CDH13: variants seen among roughly 807,000 people sequenced by gnomAD.
CDH13 encodes cadherin-13.
Under a neutral mutation model 63.8 loss-of-function variants are expected in CDH13, and 24 were observed. The ratio of observed to expected loss-of-function variants is 0.38; its 90% CI spans 0.27 to 0.53. CDH13 has a LOEUF of 0.53. Among genes scored for constraint, CDH13 ranks in the 20% least tolerant of loss-of-function variants. The pLI is 0.85. For missense variants in CDH13, 1,049 were observed against 903.1 expected (o/e 1.16, Z -2.07); for synonymous variants, 503 against 355.3 (o/e 1.42, Z -4.67).
intron 5 of CDH13, among the ~76,000 whole-genome samples, chr16:83,250,953 G>A (rs1905454628): frequency 1.3e-5 from 2 of 152,008 alleles, no homozygotes; most frequent in African/African-American, 2.4e-5. Context: ...TAAACATTGG[G>A]GGAAGAGACT....
chr16:83,158,939 A>G (rs1010926720), intron 4 of CDH13, among the ~76,000 whole-genome samples: 1 of 152,188 alleles, frequency 6.6e-6, no homozygotes, highest in Non-Finnish European at 1.5e-5. Flanking sequence ...TGTTCTCAGG[A>G]CCTTCATTAC....
chr16:83,379,504 G>T (rs1226499876), intron 6 of CDH13, among the ~76,000 whole-genome samples: 1 of 152,172 alleles, frequency 6.6e-6, no homozygotes, highest in East Asian at 1.9e-4. Context: ...TGGTGAGGTT[G>T]ATCAACCAGT....
At chr16:83,672,363 C>G (rs1318192794) in intron 9 of CDH13, among the ~76,000 whole-genome samples, 5 of 143,884 alleles carry the variant, frequency 3.5e-5, no homozygotes, top group African/African-American at 1.0e-4. Context: ...CTTCTTCTCT[C>G]TCTATCCTCA....
chr16:83,269,903 T>C (rs2088749258), intron 5 of CDH13, among the ~76,000 whole-genome samples: 2 of 152,192 alleles, frequency 1.3e-5, no homozygotes, highest in African/African-American at 4.8e-5. Flanking sequence ...TAAAATGCAT[T>C]TCTATGCTAA....
chr16:82,776,626 G>C (rs934881522), intron 1 of CDH13, among the ~76,000 whole-genome samples: 2 of 152,184 alleles, frequency 1.3e-5, no homozygotes, highest in Admixed American at 1.3e-4. Flanking sequence ...AACTGAATGA[G>C]GAAGTTAAAC....
intron 2 of CDH13, among the ~76,000 whole-genome samples, chr16:82,960,831 T>C (rs1467744859): frequency 6.6e-6 from 1 of 152,180 alleles, no homozygotes; most frequent in Non-Finnish European, 1.5e-5. Flanking sequence ...AAAAAAATTA[T>C]TGTTAATACA....
intron 6 of CDH13, among the ~76,000 whole-genome samples, chr16:83,412,736 C>T (rs2092146072): frequency 6.6e-6 from 1 of 152,222 alleles, no homozygotes; most frequent in Non-Finnish European, 1.5e-5. Flanking sequence ...ACGGTGAAGT[C>T]ATGAGCCCCC....
intron 5 of CDH13, among the ~76,000 whole-genome samples, chr16:83,254,262 G>A (rs571087358): frequency 6.6e-6 from 1 of 152,326 alleles, no homozygotes; most frequent in South Asian, 2.1e-4. Flanking sequence ...TGGTGCATAA[G>A]AAAGCGTATA....
chr16:83,208,535 C>G (rs2039246338), intron 4 of CDH13, among the ~76,000 whole-genome samples: 1 of 151,938 alleles, frequency 6.6e-6, no homozygotes, highest in Non-Finnish European at 1.5e-5. Context: ...GCATGTAACT[C>G]CAATAATTCC....
intron 7 of CDH13, among the ~76,000 whole-genome samples, chr16:83,548,461 T>C (rs1040851050): frequency 3.9e-5 from 6 of 152,322 alleles, no homozygotes; most frequent in Non-Finnish European, 8.8e-5. Flanking sequence ...CCAGTGTCCG[T>C]AGCGCAGTGG....
intron 6 of CDH13, among the ~76,000 whole-genome samples, chr16:83,402,246 A>C (rs17213369): frequency 0.06 from 9,179 of 152,102 alleles, 302 homozygotes; most frequent in African/African-American, 0.063. Flanking sequence ...TGGCTCCCGG[A>C]GCGCCACCTA....
At chr16:83,396,649 C>T (rs3736240) in intron 6 of CDH13, 104,028 of 151,954 alleles carry the variant, frequency 0.68, 35,823 homozygotes, top group East Asian at 0.79. Flanking sequence ...TGGCCACTGA[C>T]AGGTGACGTT....
chr16:83,152,220 G>T (rs980773649), intron 4 of CDH13, among the ~76,000 whole-genome samples: 1 of 152,146 alleles, frequency 6.6e-6, no homozygotes, highest in African/African-American at 2.4e-5. Context: ...TGTCTTACAT[G>T]CCAAAATGAC....
rs140344950 is a variant in CDH13, at chr16:83,031,913, A to T, written c.158-97A>T. Reference sequence around the variant, plus strand: ...AACATTTGTGAACTCTGGGTTGGGAAACTATGTGGTAATTCACACTTAATA... The same window carrying T: ...AACATTTGTGAACTCTGGGTTGGGATACTATGTGGTAATTCACACTTAATA... On this transcript the variant is annotated intron_variant, in intron 2 of 13. Transcript: ENST00000567109. 270 of 955,158 alleles carry T rather than the reference A, an allele frequency of 2.8e-4. 1 individual carries two copies. In the African/African-American group the frequency reaches 4.2e-3, roughly 15 times the overall value. The allele number at this position is 955,158 out of a possible 1,614,324, so 59.2% of individuals were successfully genotyped here.
At chr16:83,591,555 C>G (rs1440984962) in intron 7 of CDH13, among the ~76,000 whole-genome samples, 1 of 152,174 alleles carries the variant, frequency 6.6e-6, no homozygotes, top group Non-Finnish European at 1.5e-5. Context: ...CAAACCTTGA[C>G]TCCAGGCACG....
At chr16:83,497,973 C>G (rs573948893) in intron 7 of CDH13, among the ~76,000 whole-genome samples, 1 of 152,294 alleles carries the variant, frequency 6.6e-6, no homozygotes, top group South Asian at 2.1e-4. Flanking sequence ...GTTCATTTCT[C>G]CCACCATTAA....
chr16:82,983,341 C>G (rs1377876683), intron 2 of CDH13, among the ~76,000 whole-genome samples: 1 of 152,114 alleles, frequency 6.6e-6, no homozygotes. Flanking sequence ...TTTTCTCACC[C>G]GGCTGTTTCC....
chr16:83,407,885 A>G (rs372865520), intron 6 of CDH13, among the ~76,000 whole-genome samples: 3 of 152,294 alleles, frequency 2.0e-5, no homozygotes, highest in African/African-American at 7.2e-5. Context: ...CTGAGTATGC[A>G]TGGCATTTTA....
At chr16:82,869,842 A>C (rs941652653) in intron 2 of CDH13, among the ~76,000 whole-genome samples, 2 of 152,214 alleles carry the variant, frequency 1.3e-5, no homozygotes, top group African/African-American at 4.8e-5. Context: ...AAATGAATTA[A>C]AGACTTAAAT....
Sources: allele counts gnomAD v4.1 joint callset (sites outside exome capture counted in the v4.1 genomes callset), GRCh38; gene constraint gnomAD v4.1.1; transcripts MANE v1.5; gene names NCBI Gene and HGNC (gene_info 2026-07-23, HGNC 2026-07-21).